The following SLC15A2 variants were observed in gnomAD, a reference collection of about 807,000 sequenced individuals.
SLC15A2 encodes the protein solute carrier family 15 member 2.
Under a neutral mutation model 95.5 loss-of-function variants are expected in SLC15A2, and 77 were observed. The ratio of observed to expected loss-of-function variants is 0.81; its 90% CI spans 0.67 to 0.97. SLC15A2 has a LOEUF of 0.97. Among genes scored for constraint, SLC15A2 ranks in the 50% least tolerant of loss-of-function variants. SLC15A2 has a pLI of 0.00. For missense variants in SLC15A2, 893 were observed against 874.4 expected, an observed-to-expected ratio of 1.02 and a Z score of -0.27; for synonymous variants, 306 against 306.9, an observed-to-expected ratio of 1.00 and a Z score of 0.03.
intron 13 of SLC15A2, among the ~76,000 whole-genome samples, chr3:121,926,561 T>C (rs982417685): frequency 1.3e-5 from 2 of 152,152 alleles, no homozygotes; most frequent in Non-Finnish European, 2.9e-5. Flanking sequence ...AGAGGCTGTA[T>C]GAGAAAGTGT....
intron 14 of SLC15A2, 73 bp downstream of exon 14, chr3:121,927,912 G>A (rs3762819): frequency 0.43 from 493,583 of 1,137,008 alleles, 111,182 homozygotes; most frequent in East Asian, 0.72. Flanking sequence ...GACTTGTTCA[G>A]TCATGATTCC....
At position 121,930,853 on chromosome 3, in the gene SLC15A2, T is replaced by G. The variant is rs777782691; in HGVS notation, c.1567T>G (p.Leu523Val). 5 of 1,610,242 alleles carry G rather than the reference T, an allele frequency of 3.1e-6. No homozygotes were observed. The Admixed American group carries it at 8.3e-5, about 27-fold the overall frequency. ...GMTTVRFVNT[L>V]HKDVNISLST... ...CTCTACCCTCAGGTTTGTTAACACT[T>G]TGCATAAAGATGTCAACATCTCCCT... The change falls in exon 18 of 22, where the codon TTG (leucine) becomes GTG (valine). Residue 523 changes from leucine to valine, a missense_variant. Physicochemically the swap from Leu to Val is conservative, Grantham distance 32. Transcript: ENST00000489711.
At chr3:121,940,272 T>A in intron 20 of SLC15A2, 112 bp from the exon 21 acceptor site, 2 of 705,142 alleles carry the variant, frequency 2.8e-6, no homozygotes, top group South Asian at 1.6e-5. Flanking sequence ...ATAGCTGAAC[T>A]TAATAAGAGA....
chr3:121,909,850 G>A (rs953335944), intron 3 of SLC15A2, among the ~76,000 whole-genome samples: 2 of 151,916 alleles, frequency 1.3e-5, no homozygotes, highest in East Asian at 1.9e-4. Flanking sequence ...TAGTGTTGGT[G>A]TATTTTATGT....
chr3:121,927,459 C>T (rs1467661514), intron 13 of SLC15A2, among the ~76,000 whole-genome samples: 1 of 152,182 alleles, frequency 6.6e-6, no homozygotes, highest in African/African-American at 2.4e-5. Flanking sequence ...CCTCCCATCT[C>T]CTCGCTTGCT....
Position 121,940,401 on chromosome 3 carries a change from A to C in SLC15A2, c.1926A>C (p.Lys642Asn), listed in dbSNP as rs947140014. Residue 642 changes from lysine (K) to asparagine (N), a missense_variant, in exon 21 of 22, where the codon AAA becomes AAC. By Grantham distance (94) the Lys-to-Asn change is moderately conservative. Coordinates refer to ENST00000489711, the MANE Select transcript of SLC15A2 (RefSeq NM_021082.4). The part of the protein sequence containing the change: ...FSYSQAPSSM[K>N]SVLQAAWLLT... ...ATCCCCAGGCTCCCTCTAGCATGAAATCTGTGCTCCAGGCAGCTTGGCTAT... is the reference window on the plus strand; with the variant it reads ...ATCCCCAGGCTCCCTCTAGCATGAACTCTGTGCTCCAGGCAGCTTGGCTAT... 1 of 1,613,872 alleles carries C rather than the reference A, an allele frequency of 6.2e-7. No individual in the cohort carries two copies. Among genetic ancestry groups the C allele is most frequent in the Admixed American group, 1.7e-5 (1 of 59,986 alleles).
rs148711192 is a variant in SLC15A2 at position 121,928,504 on chromosome 3, G to T, written c.1290G>T (p.Val430=). The T allele has an allele frequency of 1.1e-5, 17 of 1,613,966 alleles. No individual in the cohort carries two copies. The highest frequency in any genetic ancestry group is 1.3e-5 in the African/African-American group (1 of 74,922). The change falls in exon 15 of 22, where the codon GTG becomes GTT. Residue 430 remains valine (V), a synonymous_variant. Transcript: ENST00000489711. Reference sequence around the variant, plus strand: ...CAGATGATGAGGTGAAGGTGACAGTGGTGGGAAATGAAAACAATTCTCTGT... The same window carrying T: ...CAGATGATGAGGTGAAGGTGACAGTTGTGGGAAATGAAAACAATTCTCTGT... ...NLADDEVKVT[V]VGNENNSLLI...
chr3:121,935,609 T>C (rs955306141), intron 19 of SLC15A2, among the ~76,000 whole-genome samples: 5 of 152,222 alleles, frequency 3.3e-5, no homozygotes, highest in African/African-American at 4.8e-5. Flanking sequence ...TTGGTGGTGA[T>C]ATCTCCTTTA....
intron 7 of SLC15A2, among the ~76,000 whole-genome samples, chr3:121,921,419 C>T (rs1710003158): frequency 2.0e-5 from 3 of 151,588 alleles, no homozygotes; most frequent in Admixed American, 6.6e-5. Flanking sequence ...AAGTCCAGTT[C>T]TGGTATCTTC....
Position 121,913,126 on chromosome 3 carries a change from A to C in SLC15A2, c.528+6A>C, listed in dbSNP as rs572888078. The C allele has an allele frequency of 1.2e-6, 2 of 1,606,180 alleles. No homozygotes were observed. Among genetic ancestry groups the C allele is most frequent in the African/African-American group, 2.7e-5 (2 of 74,894 alleles). On this transcript the variant is annotated splice_donor_region_variant and intron_variant, in intron 5 of 21. Transcript: ENST00000489711. ...ACCAGTTTGAAGAAAAACATGTAAGAATCCTGTTATTTTGTATTTTCAAGA... is the reference window on the plus strand; with the variant it reads ...ACCAGTTTGAAGAAAAACATGTAAGCATCCTGTTATTTTGTATTTTCAAGA...
intron 3 of SLC15A2, among the ~76,000 whole-genome samples, chr3:121,910,984 A>G (rs1709755678): frequency 6.6e-6 from 1 of 152,190 alleles, no homozygotes; most frequent in Non-Finnish European, 1.5e-5. Flanking sequence ...CCCTGAGGAA[A>G]CTGTGGTGAG....
chr3:121,900,051 C>G (rs1427788828), intron 3 of SLC15A2, among the ~76,000 whole-genome samples: 1 of 152,182 alleles, frequency 6.6e-6, no homozygotes, highest in Non-Finnish European at 1.5e-5. Context: ...TTACTTCACT[C>G]TTTCCTGAGT....
rs562788072 is a variant in SLC15A2, at chr3:121,894,856, C to T, written c.105+275C>T. 6.6e-5 allele frequency among the ~76,000 whole-genome samples: 10 copies of T among 152,256 alleles called. No individual in the cohort carries two copies. In the South Asian group the frequency reaches 1.7e-3, roughly 25 times the overall value. On this transcript the variant is annotated intron_variant, in intron 1 of 21. Coordinates refer to ENST00000489711, the MANE Select transcript of SLC15A2 (RefSeq NM_021082.4). ...GTTTCCCTGGGGGAAAAAAGCAATT[C>T]GAATGTCCAGGGAAACTTGGCAAGC... is the stretch of plus-strand genomic sequence containing the variant.
chr3:121,921,942 C>G (rs1710013364), intron 7 of SLC15A2, among the ~76,000 whole-genome samples: 1 of 152,204 alleles, frequency 6.6e-6, no homozygotes, highest in South Asian at 2.1e-4. Flanking sequence ...CAATAGATAT[C>G]TCTCTTAACA....
chr3:121,905,291 A>G (rs533291888), intron 3 of SLC15A2, among the ~76,000 whole-genome samples: 9 of 152,216 alleles, frequency 5.9e-5, no homozygotes, highest in African/African-American at 1.9e-4. Flanking sequence ...TGATCTTTCA[A>G]AAAACCAGCT....
chr3:121,894,588 C>G lies in SLC15A2; in HGVS notation c.105+7C>G. The G allele has an allele frequency of 6.2e-7, 1 of 1,607,372 alleles. No homozygotes were observed. The highest frequency in any genetic ancestry group is 8.5e-7 in the Non-Finnish European group (1 of 1,174,272). On this transcript the variant is annotated splice_region_variant and intron_variant, in intron 1 of 21. Transcript: ENST00000489711. The stretch of plus-strand genomic sequence containing the variant: ...TCCAAAGAAGCCATCTCCGGTGAGT[C>G]CTTAGATTCAATCCTGCCTCTGAGA...
At position 121,943,593 on chromosome 3, in the gene SLC15A2, G is replaced by C. The variant is rs977960249; in HGVS notation, c.*2586G>C. ...CAAACAATGCACTTCTGTTAATGCAGTGTAAGGTAACATGAGTTGTTTTTG... is the reference window on the plus strand; with the variant it reads ...CAAACAATGCACTTCTGTTAATGCACTGTAAGGTAACATGAGTTGTTTTTG... On this transcript the variant is annotated 3_prime_UTR_variant, in exon 22 of 22. Coordinates refer to ENST00000489711, the MANE Select transcript of SLC15A2 (RefSeq NM_021082.4). 1.3e-5 allele frequency: 2 copies of C among 152,224 alleles called. No homozygotes were observed. Among genetic ancestry groups the C allele is most frequent in the Admixed American group, 6.5e-5 (1 of 15,288 alleles). 9.4% of individuals were successfully genotyped at this position (152,224 alleles called of 1,614,324 possible). A position where few individuals can be genotyped will look rare whatever the true frequency, so the allele number is the denominator to read the frequency against.
intron 13 of SLC15A2, among the ~76,000 whole-genome samples, chr3:121,927,462 C>T (rs1030877746): frequency 1.3e-5 from 2 of 152,186 alleles, no homozygotes; most frequent in African/African-American, 4.8e-5. Context: ...CCCATCTCCT[C>T]GCTTGCTTCT....
intron 3 of SLC15A2, among the ~76,000 whole-genome samples, chr3:121,905,170 G>A (rs960792637): frequency 2.6e-5 from 4 of 152,130 alleles, no homozygotes; most frequent in African/African-American, 9.7e-5. Context: ...ATGGTAGTTT[G>A]TATTACTGTG....
Sources: gnomAD v4.1 joint callset for allele counts (sites outside exome capture counted in the v4.1 genomes callset) on GRCh38, gnomAD v4.1.1 for gene constraint, MANE v1.5 for transcripts, NCBI Gene and HGNC (gene_info 2026-07-23, HGNC 2026-07-21) for gene names.